The following MS4A8 variants were observed in gnomAD, a reference collection of about 807,000 sequenced individuals.
MS4A8 encodes membrane-spanning 4-domains subfamily A member 8.
A neutral mutation model predicts 23.7 loss-of-function variants in MS4A8; 27 were observed. The ratio of observed to expected loss-of-function variants is 1.14; its 90% confidence interval spans 0.84 to 1.57. The LOEUF (loss-of-function observed/expected upper bound fraction) is 1.57. Among genes scored for constraint, MS4A8 ranks in the 40% most tolerant of loss-of-function variants. MS4A8 has a pLI of 0.00. For synonymous variants in MS4A8, 138 were observed against 126.3 expected (o/e 1.09, Z -0.62); for missense variants, 301 against 311.4 (o/e 0.97, Z 0.25).
chr11:60,704,283 G>A (rs1231178287), intron 3 of MS4A8, among the ~76,000 whole-genome samples: 1 of 151,968 alleles, frequency 6.6e-6, no homozygotes, highest in Middle Eastern at 3.4e-3. Context: ...ACCACGCCCG[G>A]CTAATTTTTG....
intron 3 of MS4A8, 138 bp downstream of exon 3, chr11:60,703,638 C>A: frequency 1.0e-6 from 1 of 994,524 alleles, no homozygotes. Flanking sequence ...ACCAGCCAGC[C>A]CTGGCCTCGT....
At chr11:60,714,452 A>G (rs1001793222) in intron 5 of MS4A8, among the ~76,000 whole-genome samples, 1 of 152,166 alleles carries the variant, frequency 6.6e-6, no homozygotes, top group African/African-American at 2.4e-5. Flanking sequence ...ACACAGTAAC[A>G]ATCTGATCTC....
chr11:60,709,000 G>A, intron 5 of MS4A8: 4 of 499,320 alleles, frequency 8.0e-6, no homozygotes, highest in Non-Finnish European at 1.1e-5. Context: ...TACCTACCTT[G>A]TGGCAATGTT....
rs778436055 is a variant in MS4A8 at position 60,707,062 on chromosome 11, G to A, written c.402+15G>A. On this transcript the variant is annotated intron_variant, in intron 4 of 6. Transcript: ENST00000300226. ...CTTATTGCCTGGTAAGTTACATTCT[G>A]AGACCAGCTCTTCCAACTGGAGACC... 40 of 1,610,244 alleles carry A rather than the reference G, an allele frequency of 2.5e-5. No individual in the cohort carries two copies. Among genetic ancestry groups the A allele is most frequent in the Non-Finnish European group, 3.4e-5 (40 of 1,176,610 alleles).
intron 3 of MS4A8, among the ~76,000 whole-genome samples, chr11:60,706,669 T>A (rs546228803): frequency 6.6e-6 from 1 of 152,338 alleles, no homozygotes; most frequent in South Asian, 2.1e-4. Flanking sequence ...AGTTGTCTCA[T>A]GACAATGACA....
At chr11:60,702,676 G>A (rs1590951853) in intron 2 of MS4A8, among the ~76,000 whole-genome samples, 1 of 152,188 alleles carries the variant, frequency 6.6e-6, no homozygotes. Context: ...TGAGATTACA[G>A]GTGTGAGCCA....
intron 5 of MS4A8, chr11:60,712,458 A>G: frequency 1.0e-6 from 1 of 985,324 alleles, no homozygotes; most frequent in Non-Finnish European, 1.2e-6. Context: ...AGAATTCTCC[A>G]AGCATCTGGC....
At chr11:60,715,210 C>A in intron 6 of MS4A8, 76 bp downstream of exon 6, 1 of 1,494,150 alleles carries the variant, frequency 6.7e-7, no homozygotes, top group South Asian at 1.1e-5. Flanking sequence ...TTGTGCTTTC[C>A]ACTGCCTGCT....
chr11:60,703,748 G>T (rs181418740), intron 3 of MS4A8, among the ~76,000 whole-genome samples: 1 of 152,192 alleles, frequency 6.6e-6, no homozygotes, highest in Non-Finnish European at 1.5e-5. Context: ...CAGTTCTGGC[G>T]GCTGAAAGTC....
At chr11:60,708,592 A>G (rs1391081466) in intron 4 of MS4A8, 58 bp from the exon 5 acceptor site, 2 of 1,469,422 alleles carry the variant, frequency 1.4e-6, no homozygotes, top group East Asian at 2.4e-5. Context: ...TTGGGTCTCC[A>G]TTCATCTCAG....
Position 60,700,965 on chromosome 11 carries a change from G to T in MS4A8, c.105G>T (p.Leu35=). The T allele has an allele frequency of 6.2e-7, 1 of 1,614,198 alleles. No homozygotes were observed. The highest frequency in any genetic ancestry group is 8.5e-7 in the Non-Finnish European group (1 of 1,180,036). ...CAGGAATTATGTCTCACGTGCCCCT[G>T]TATCCAAACAGCCAGCCGCAAGTCC... The part of the protein sequence containing the change: ...VTPGIMSHVP[L]YPNSQPQVHL... Residue 35 remains leucine (L), a synonymous_variant, in exon 2 of 7, where the codon CTG becomes CTT. Coordinates refer to ENST00000300226, the MANE Select transcript of MS4A8 (RefSeq NM_031457.2).
chr11:60,708,794 C>G lies in MS4A8; in HGVS notation c.534+13C>G. On this transcript the variant is annotated intron_variant, in intron 5 of 6. Coordinates refer to ENST00000300226, the MANE Select transcript of MS4A8 (RefSeq NM_031457.2). ...CGCCTGGGGTGTGGTGAGTATCCCT[C>G]TCAACCAAAGATCCTCTAAGTTCTG... 1 of 1,613,762 alleles carries G rather than the reference C, an allele frequency of 6.2e-7. No individual in the cohort carries two copies. Among genetic ancestry groups the G allele is most frequent in the South Asian group, 1.1e-5 (1 of 91,054 alleles).
intron 2 of MS4A8, among the ~76,000 whole-genome samples, chr11:60,701,782 G>A (rs943912850): frequency 1.3e-5 from 2 of 152,202 alleles, no homozygotes; most frequent in African/African-American, 4.8e-5. Context: ...ATTCATTGCA[G>A]CGTGGTTTGT....
chr11:60,708,681 G>A lies in MS4A8; in HGVS notation c.434G>A (p.Ser145Asn), dbSNP rs907259071. The change falls in exon 5 of 7, where the codon AGT (serine) becomes AAT (asparagine). Residue 145 changes from serine (S) to asparagine (N), a missense_variant. Transcript: ENST00000300226. ...LSGSLGLNIV[S>N]AICSAVGVIL... ...GGCAGTTTGGGCTTGAACATCGTCA[G>A]TGCAATCTGCTCTGCAGTTGGAGTC... The A allele has an allele frequency of 2.0e-5, 32 of 1,583,514 alleles. No homozygotes were observed. Among genetic ancestry groups the A allele is most frequent in the Non-Finnish European group, 2.6e-5 (30 of 1,166,426 alleles).
intron 5 of MS4A8, chr11:60,712,496 T>C (rs1053725723): frequency 1.0e-6 from 1 of 985,228 alleles, no homozygotes; most frequent in Non-Finnish European, 1.2e-6. Context: ...TTAAAAATCA[T>C]AATTGAGATA....
At chr11:60,705,207 C>G (rs967149528) in intron 3 of MS4A8, among the ~76,000 whole-genome samples, 5 of 152,232 alleles carry the variant, frequency 3.3e-5, no homozygotes, top group African/African-American at 9.6e-5. Context: ...CAACCACTCA[C>G]AAGATACCTG....
At chr11:60,714,916 G>T in intron 5 of MS4A8, 105 bp from the exon 6 acceptor site, 1 of 787,414 alleles carries the variant, frequency 1.3e-6, no homozygotes. Flanking sequence ...GAGAGGATAG[G>T]GGACTTCCGC....
At chr11:60,704,029 AGAGGGTGTG>A (rs1368475904) in intron 3 of MS4A8, among the ~76,000 whole-genome samples, 1 of 151,994 alleles carries the variant, frequency 6.6e-6, no homozygotes, top group African/African-American at 2.4e-5. Flanking sequence ...GGTGGGGGAT[AGAGGGTGTG>A]GACACAATTC....
chr11:60,715,497 C>A lies in MS4A8; in HGVS notation c.*83C>A. On this transcript the variant is annotated 3_prime_UTR_variant, in exon 7 of 7. Coordinates refer to ENST00000300226, the MANE Select transcript of MS4A8 (RefSeq NM_031457.2). ...TGGGCTTCCATAACCCAGGTCGTTC[C>A]TGTTCTGACAGCTGAGGAAACGTCT... The A allele has an allele frequency of 9.6e-7, 1 of 1,040,398 alleles. No homozygotes were observed. Among genetic ancestry groups the A allele is most frequent in the Non-Finnish European group, 1.5e-6 (1 of 688,118 alleles). The allele number at this position is 1,040,398 out of a possible 1,614,324, so 64.4% of individuals were successfully genotyped here. A position where few individuals can be genotyped will look rare whatever the true frequency, so the allele number is the denominator to read the frequency against.
Sources: allele counts gnomAD v4.1 joint callset (sites outside exome capture counted in the v4.1 genomes callset), GRCh38; gene constraint gnomAD v4.1.1; transcripts MANE v1.5; gene names NCBI Gene and HGNC (gene_info 2026-07-23, HGNC 2026-07-21).